Variants in NFIB observed in about 807,000 individuals in gnomAD.
The protein encoded by NFIB is nuclear factor 1 B-type.
Under a neutral mutation model 61.5 loss-of-function variants are expected in NFIB, and 11 were observed. That is an observed-to-expected ratio of 0.18 (90% CI 0.11 to 0.30). The LOEUF (loss-of-function observed/expected upper bound fraction) is 0.30. NFIB is among the 10% of genes least tolerant of loss of function. The pLI is 1.00. For missense variants in NFIB, 471 were observed against 608.9 expected, an observed-to-expected ratio of 0.77 and a Z score of 2.38; for synonymous variants, 260 against 216.5, an observed-to-expected ratio of 1.20 and a Z score of -1.76.
intron 4 of NFIB, 66 bp downstream of exon 4, chr9:14,155,759 G>A (rs2043321692): frequency 3.0e-6 from 3 of 985,186 alleles, no homozygotes; most frequent in Admixed American, 5.5e-5. Flanking sequence ...CTACATTTAA[G>A]GTTCAAAATA....
the NFIB span, among the ~76,000 whole-genome samples, chr9:14,449,432 G>A: frequency 6.6e-6 from 1 of 152,264 alleles, no homozygotes; most frequent in South Asian, 2.1e-4. Context: ...TCAATTTGCA[G>A]GCAAAGTTGA....
chr9:14,359,997 C>G (rs565949001), intron 1 of NFIB, among the ~76,000 whole-genome samples: 2 of 152,244 alleles, frequency 1.3e-5, no homozygotes, highest in East Asian at 3.9e-4. Flanking sequence ...AAATTCCTAA[C>G]CAATGTAGAC....
intron 3 of NFIB, among the ~76,000 whole-genome samples, chr9:14,165,353 T>C (rs982201412): frequency 4.6e-5 from 7 of 152,038 alleles, no homozygotes; most frequent in South Asian, 2.1e-4. Flanking sequence ...AACCAACCAA[T>C]GAAAGATCAA....
At chr9:14,340,965 C>G (rs1021160793) in intron 1 of NFIB, among the ~76,000 whole-genome samples, 11 of 151,208 alleles carry the variant, frequency 7.3e-5, no homozygotes, top group Non-Finnish European at 1.2e-4. Flanking sequence ...CTTATTTATA[C>G]GTTAATACTC....
intron 9 of NFIB, among the ~76,000 whole-genome samples, chr9:14,115,429 G>A (rs1347267386): frequency 6.6e-6 from 1 of 152,078 alleles, no homozygotes; most frequent in Non-Finnish European, 1.5e-5. Context: ...TGACAGTTGG[G>A]TGAAACCACC....
the NFIB span, among the ~76,000 whole-genome samples, chr9:14,501,068 G>A: frequency 0.034 from 5,156 of 152,254 alleles, 136 homozygotes; most frequent in Non-Finnish European, 0.055. Flanking sequence ...CTAACTCATC[G>A]CAGTGGATCT....
intron 1 of NFIB, among the ~76,000 whole-genome samples, chr9:14,340,920 T>C (rs1166339255): frequency 7.0e-6 from 1 of 142,096 alleles, no homozygotes; most frequent in Non-Finnish European, 1.6e-5. Flanking sequence ...GTGTCGGGGT[T>C]GGGTGGGAGC....
intron 6 of NFIB, among the ~76,000 whole-genome samples, chr9:14,135,708 T>C (rs2130990502): frequency 6.6e-6 from 1 of 152,226 alleles, no homozygotes; most frequent in South Asian, 2.1e-4. Flanking sequence ...CACTCTAAAA[T>C]AACACTGGAA....
At chr9:14,351,959 C>A (rs1017908505) in intron 1 of NFIB, among the ~76,000 whole-genome samples, 1 of 152,042 alleles carries the variant, frequency 6.6e-6, no homozygotes, top group African/African-American at 2.4e-5. Flanking sequence ...TGCCACAGAC[C>A]CCGGGTCTCT....
intron 6 of NFIB, among the ~76,000 whole-genome samples, chr9:14,143,900 C>T (rs942834474): frequency 6.6e-6 from 1 of 151,754 alleles, no homozygotes; most frequent in Non-Finnish European, 1.5e-5. Context: ...CTGTACTGCC[C>T]GCATTTCTTC....
intron 6 of NFIB, among the ~76,000 whole-genome samples, chr9:14,137,037 T>C (rs1448795317): frequency 6.6e-6 from 1 of 152,194 alleles, no homozygotes; most frequent in Non-Finnish European, 1.5e-5. Flanking sequence ...CATGTGAAAT[T>C]CATCAGTAAC....
intron 2 of NFIB, among the ~76,000 whole-genome samples, chr9:14,218,821 T>C (rs1271963103): frequency 6.6e-6 from 1 of 152,204 alleles, no homozygotes; most frequent in Non-Finnish European, 1.5e-5. Context: ...TAAGTCCAGG[T>C]AATTTCAGTT....
intron 6 of NFIB, among the ~76,000 whole-genome samples, chr9:14,138,445 G>T (rs1042212138): frequency 6.6e-6 from 1 of 151,870 alleles, no homozygotes; most frequent in Admixed American, 6.6e-5. Context: ...ATTCAAACAA[G>T]ACAACCTTTG....
chr9:14,489,220 T>C, the NFIB span, among the ~76,000 whole-genome samples: 4 of 152,214 alleles, frequency 2.6e-5, no homozygotes, highest in Non-Finnish European at 5.9e-5. Flanking sequence ...TAAGCAAAAG[T>C]AGTTTCATGT....
chr9:14,086,968 G>C lies in NFIB; in HGVS notation c.*1341C>G, dbSNP rs2032955450. Reference sequence around the variant, plus strand: ...CAATACAAGAAATTTGTTGAACAAGGCTAATGTCTGAAAGCACCATGCAAG... The same window carrying C: ...CAATACAAGAAATTTGTTGAACAAGCCTAATGTCTGAAAGCACCATGCAAG... On this transcript the variant is annotated 3_prime_UTR_variant, in exon 11 of 11. Coordinates refer to ENST00000380953, the MANE Select transcript of NFIB (RefSeq NM_001190737.2). 1 of 202,688 alleles carries C rather than the reference G, an allele frequency of 4.9e-6. No homozygotes were observed. Among genetic ancestry groups the C allele is most frequent in the African/African-American group, 2.3e-5 (1 of 43,602 alleles). The allele number at this position is 202,688 out of a possible 1,614,324, so 12.6% of individuals were successfully genotyped here.
At chr9:14,144,381 G>C (rs542690466) in intron 6 of NFIB, among the ~76,000 whole-genome samples, 11 of 152,140 alleles carry the variant, frequency 7.2e-5, no homozygotes, top group African/African-American at 2.7e-4. Context: ...GACAAGGAAA[G>C]TATGGCTTTG....
rs539845955 is a variant in NFIB at position 14,162,030 on chromosome 9, T to G, written c.617-6137A>C. Among the ~76,000 whole-genome samples, 8 of 152,298 alleles carry G rather than the reference T, an allele frequency of 5.3e-5. No individual in the cohort carries two copies. The South Asian group carries it at 1.7e-3, about 32-fold the overall frequency. On this transcript the variant is annotated intron_variant, in intron 3 of 10. Coordinates refer to ENST00000380953, the MANE Select transcript of NFIB (RefSeq NM_001190737.2). Reference sequence around the variant, plus strand: ...ATTAATGTTACAACTTTCATTTATTTCATTTTAATAAAATGGACTCATTTC... The same window carrying G: ...ATTAATGTTACAACTTTCATTTATTGCATTTTAATAAAATGGACTCATTTC...
the NFIB span, among the ~76,000 whole-genome samples, chr9:14,490,816 G>A: frequency 6.6e-6 from 1 of 152,206 alleles, no homozygotes; most frequent in South Asian, 2.1e-4. Context: ...CTGCTGGTAG[G>A]AATGTACACC....
At chr9:14,116,439 C>T (rs2038153686) in intron 8 of NFIB, 93 bp from the exon 9 acceptor site, 5 of 1,280,388 alleles carry the variant, frequency 3.9e-6, no homozygotes, top group Non-Finnish European at 5.1e-6. Context: ...TGTGTGGATC[C>T]AGCACACTGC....
Sources: allele counts gnomAD v4.1 joint callset (sites outside exome capture counted in the v4.1 genomes callset), GRCh38; gene constraint gnomAD v4.1.1; transcripts MANE v1.5; gene names NCBI Gene and HGNC (gene_info 2026-07-23, HGNC 2026-07-21).